SLC7A11: variants seen among roughly 807,000 people sequenced by gnomAD.
SLC7A11 encodes the protein cystine/glutamate transporter.
A neutral mutation model predicts 54.5 loss-of-function variants in SLC7A11; 35 were observed. That is an observed-to-expected ratio of 0.64 (90% confidence interval 0.49 to 0.85). The LOEUF (loss-of-function observed/expected upper bound fraction) is 0.85. Among genes scored for constraint, SLC7A11 ranks in the 40% least tolerant of loss-of-function variants. The pLI, the probability that SLC7A11 is intolerant of heterozygous loss-of-function variation, is 0.00. For synonymous variants in SLC7A11, 230 were observed against 225.2 expected, an observed-to-expected ratio of 1.02 and a Z score of -0.19; for missense variants, 583 against 618.1, an observed-to-expected ratio of 0.94 and a Z score of 0.60.
intron 6 of SLC7A11, among the ~76,000 whole-genome samples, chr4:138,188,899 G>A (rs905961795): frequency 5.9e-5 from 9 of 152,122 alleles, no homozygotes; most frequent in Non-Finnish European, 8.8e-5. Flanking sequence ...TATGACTAAC[G>A]AAATACCATT....
chr4:138,181,196 A>T (rs1027009516), intron 9 of SLC7A11, among the ~76,000 whole-genome samples: 1 of 152,140 alleles, frequency 6.6e-6, no homozygotes, highest in African/African-American at 2.4e-5. Flanking sequence ...CCCAATTGGA[A>T]GATTTACAGA....
intron 6 of SLC7A11, among the ~76,000 whole-genome samples, chr4:138,194,304 T>A (rs1309117936): frequency 6.6e-6 from 1 of 152,176 alleles, no homozygotes; most frequent in African/African-American, 2.4e-5. Flanking sequence ...TGTCCATTTA[T>A]AAAGATTCAT....
chr4:138,227,983 A>G (rs1737982769), intron 3 of SLC7A11, among the ~76,000 whole-genome samples: 1 of 152,234 alleles, frequency 6.6e-6, no homozygotes, highest in Admixed American at 6.5e-5. Context: ...AAACAGAGCC[A>G]CTTCATATGC....
intron 1 of SLC7A11, among the ~76,000 whole-genome samples, chr4:138,237,773 T>G (rs1237627826): frequency 9.9e-6 from 1 of 100,968 alleles, no homozygotes; most frequent in African/African-American, 4.0e-5. Context: ...TTTTTTGAGA[T>G]GGAGTCTCAC....
chr4:138,238,893 A>T (rs1738307601), intron 1 of SLC7A11, among the ~76,000 whole-genome samples: 2 of 152,294 alleles, frequency 1.3e-5, no homozygotes, highest in South Asian at 4.1e-4. Context: ...ATGAGCCACC[A>T]TGCTCAGTCT....
intron 11 of SLC7A11, among the ~76,000 whole-genome samples, chr4:138,175,090 T>C (rs1182830187): frequency 1.3e-5 from 2 of 152,208 alleles, no homozygotes; most frequent in Non-Finnish European, 2.9e-5. Flanking sequence ...CTAAGAAATG[T>C]AGGCAAGCTT....
intron 10 of SLC7A11, among the ~76,000 whole-genome samples, chr4:138,180,338 T>C (rs1371564500): frequency 6.6e-6 from 1 of 152,146 alleles, no homozygotes; most frequent in Non-Finnish European, 1.5e-5. Context: ...TAGCCCATAC[T>C]TTGAGTATAT....
intron 6 of SLC7A11, among the ~76,000 whole-genome samples, chr4:138,213,532 C>CCTCT (rs71600143): frequency 0.011 from 1,626 of 148,734 alleles, 10 homozygotes; most frequent in Middle Eastern, 0.031. Context: ...TTGTGTTTCT[C>CCTCT]CTCTCTCTCT....
rs147161996 is a variant in SLC7A11, at chr4:138,181,401, GTC to G, written c.1117-613_1117-612del. ...TGAAGCGCAGAGATCAGCTTAGCAA[GTC>G]TCTGCAGCTGCACATGCCAAGGACA... On this transcript the variant is annotated intron_variant, in intron 9 of 11. Transcript: ENST00000280612. Among the ~76,000 whole-genome samples the G allele has an allele frequency of 8.1e-3, 1,231 of 152,198 alleles. 12 individuals are homozygous for G. The highest frequency in any genetic ancestry group is 0.028 in the African/African-American group (1,156 of 41,534).
At position 138,167,371 on chromosome 4, in the gene SLC7A11, C is replaced by G. The variant is rs1380755539; in HGVS notation, c.*4585G>C. On this transcript the variant is annotated 3_prime_UTR_variant, in exon 12 of 12. Coordinates refer to ENST00000280612, the MANE Select transcript of SLC7A11 (RefSeq NM_014331.4). ...TTCACCATGTTGGCCAGGCTGATCT[C>G]GAACTCCTGACCTCAGGTGATTCGC... 1 of 151,740 alleles carries G rather than the reference C, an allele frequency of 6.6e-6. No homozygotes were observed. The highest frequency in any genetic ancestry group is 2.4e-5 in the African/African-American group (1 of 41,394). The allele number at this position is 151,740 out of a possible 1,614,324, so 9.4% of individuals were successfully genotyped here. A position where few individuals can be genotyped will look rare whatever the true frequency, so the allele number is the denominator to read the frequency against.
intron 3 of SLC7A11, among the ~76,000 whole-genome samples, chr4:138,223,624 C>T (rs1737871159): frequency 6.6e-6 from 1 of 152,120 alleles, no homozygotes; most frequent in African/African-American, 2.4e-5. Flanking sequence ...TTGTAGTACT[C>T]TAACAATCAC....
At chr4:138,184,393 G>C (rs1178472617) in intron 7 of SLC7A11, among the ~76,000 whole-genome samples, 1 of 152,104 alleles carries the variant, frequency 6.6e-6, no homozygotes, top group Non-Finnish European at 1.5e-5. Context: ...GGTCAAGAGT[G>C]AATGGTCTCT....
chr4:138,241,760 C>T (rs770501554), intron 1 of SLC7A11, 33 bp downstream of exon 1: 6 of 1,522,914 alleles, frequency 3.9e-6, no homozygotes, highest in Non-Finnish European at 3.6e-6. Context: ...AGCCCCACAG[C>T]CACGCCCCCA....
chr4:138,216,260 A>T (rs1214703644), intron 5 of SLC7A11, among the ~76,000 whole-genome samples: 1 of 152,200 alleles, frequency 6.6e-6, no homozygotes, highest in Non-Finnish European at 1.5e-5. Context: ...TATTCTTTAG[A>T]TTAGATTTGA....
At chr4:138,235,377 CATATACTACTTTGA>C (rs1455321150) in intron 2 of SLC7A11, among the ~76,000 whole-genome samples, 3 of 150,946 alleles carry the variant, frequency 2.0e-5, no homozygotes, top group Admixed American at 1.3e-4. Context: ...CTTCATGAAG[CATATACTACTTTGA>C]AGATCTTTTT....
Position 138,197,625 on chromosome 4 carries a change from T to C in SLC7A11, c.792-12381A>G, listed in dbSNP as rs145410544. 2.6e-3 allele frequency among the ~76,000 whole-genome samples: 394 copies of C among 152,154 alleles called. 1 individual carries two copies. The highest frequency in any genetic ancestry group is 9.0e-3 in the African/African-American group (372 of 41,560). On this transcript the variant is annotated intron_variant, in intron 6 of 11. Coordinates refer to ENST00000280612, the MANE Select transcript of SLC7A11 (RefSeq NM_014331.4). Reference sequence around the variant, plus strand: ...ACTACCAAGATAATTTGAAACACCATGAGCTTTAAATTTAAAAGCACTATA... The same window carrying C: ...ACTACCAAGATAATTTGAAACACCACGAGCTTTAAATTTAAAAGCACTATA...
At chr4:138,181,396 AG>A (rs897102485) in intron 9 of SLC7A11, among the ~76,000 whole-genome samples, 2 of 152,008 alleles carry the variant, frequency 1.3e-5, no homozygotes. Context: ...AGATCAGCTT[AG>A]CAAGTCTCTG....
At chr4:138,174,885 C>T (rs1736531610) in intron 11 of SLC7A11, 1 of 152,106 alleles carries the variant, frequency 6.6e-6, no homozygotes, top group African/African-American at 2.4e-5. Context: ...ACAACTGACC[C>T]TGCAAAATTT....
chr4:138,185,369 GGGTATGTATAAACATTTCATCA>G (rs1342620535), intron 6 of SLC7A11, 125 bp from the exon 7 acceptor site: 5 of 1,106,098 alleles, frequency 4.5e-6, no homozygotes, highest in Non-Finnish European at 5.3e-6. Context: ...AGGCTCTGTT[GGGTATGTATAAACATTTCATCA>G]GGGCAAAAAA....
Sources: gnomAD v4.1 joint callset for allele counts (sites outside exome capture counted in the v4.1 genomes callset) on GRCh38, gnomAD v4.1.1 for gene constraint, MANE v1.5 for transcripts, NCBI Gene and HGNC (gene_info 2026-07-23, HGNC 2026-07-21) for gene names.